The following DOT1L variants were observed in gnomAD, a reference collection of about 807,000 sequenced individuals.
DOT1L encodes DOT1 like histone lysine methyltransferase, also known as histone-lysine N-methyltransferase, H3 lysine-79 specific.
A neutral mutation model predicts 153.3 loss-of-function variants in DOT1L; 33 were observed. The ratio of observed to expected loss-of-function variants is 0.22; its 90% CI spans 0.16 to 0.29. The LOEUF is 0.29. Ranked by LOEUF, DOT1L falls within the 10% of genes least tolerant of loss-of-function variation. The pLI is 1.00. For synonymous variants in DOT1L, 1,135 were observed against 965.1 expected, an observed-to-expected ratio of 1.18 and a Z score of -3.26; for missense variants, 1,847 against 2,119.9, an observed-to-expected ratio of 0.87 and a Z score of 2.53.
intron 22 of DOT1L, among the ~76,000 whole-genome samples, chr19:2,218,651 C>G (rs952361806): frequency 4.6e-5 from 7 of 151,682 alleles, no homozygotes; most frequent in Non-Finnish European, 8.8e-5. Flanking sequence ...CCTGGGCCTC[C>G]CAAAGTGCTG....
intron 22 of DOT1L, among the ~76,000 whole-genome samples, chr19:2,219,377 C>T (rs1002017801): frequency 2.6e-5 from 4 of 152,212 alleles, no homozygotes; most frequent in African/African-American, 4.8e-5. Flanking sequence ...AAGCGTTGCC[C>T]GCCTCAGCAG....
chr19:2,188,429 G>A (rs1191591764), intron 3 of DOT1L: 1 of 151,196 alleles, frequency 6.6e-6, no homozygotes, highest in Non-Finnish European at 1.5e-5. Context: ...CTGCTTGCGT[G>A]CACGTGGAGG....
rs370977811 is a variant in DOT1L, at chr19:2,226,274, C to T, written c.3753C>T (p.Ile1251=). The stretch of plus-strand genomic sequence containing the variant: ...CCACCTTCTCGCCCATCTCCGACAT[C>T]GGCCTGGCCAAGTCGGCGGACAGCC... ...WKSTFSPISD[I]GLAKSADSPL... is the part of the protein sequence containing the mutation. The change falls in exon 27 of 28, where the codon ATC becomes ATT. Residue 1251 remains isoleucine (I), a synonymous_variant. Transcript: ENST00000398665. 1.7e-4 allele frequency: 272 copies of T among 1,593,476 alleles called. No homozygotes were observed. Among genetic ancestry groups the T allele is most frequent in the Middle Eastern group, 1.2e-3 (7 of 5,998 alleles).
rs1389240194 is a variant in DOT1L, at chr19:2,217,673, C to T, written c.2545-99C>T. The stretch of plus-strand genomic sequence containing the variant: ...AGGGCCTTGGCAGCGTGGGGGCCGC[C>T]TTGAGAGAGCTGTAGCAGGCCCCCG... On this transcript the variant is annotated intron_variant, in intron 21 of 27. Transcript: ENST00000398665. The surrounding 1 kb of genome is among the most constrained non-coding windows in gnomAD (Gnocchi z 7.3). The T allele has an allele frequency of 2.7e-6, 4 of 1,495,482 alleles. No individual in the cohort carries two copies. The highest frequency in any genetic ancestry group is 9.0e-7 in the Non-Finnish European group (1 of 1,115,774). The allele number at this position is 1,495,482 out of a possible 1,614,324, so 92.6% of individuals were successfully genotyped here. A position where few individuals can be genotyped will look rare whatever the true frequency, so the allele number is the denominator to read the frequency against.
chr19:2,171,682 T>G (rs1340420873), intron 1 of DOT1L, among the ~76,000 whole-genome samples: 3 of 152,228 alleles, frequency 2.0e-5, no homozygotes, highest in Non-Finnish European at 4.4e-5. Flanking sequence ...TTTTATTTCC[T>G]GAGTGCTTCC....
Position 2,194,595 on chromosome 19 carries a change from G to T in DOT1L, c.651+18G>T, listed in dbSNP as rs371037418. The T allele has an allele frequency of 8.3e-5, 133 of 1,607,520 alleles. No individual in the cohort carries two copies. The African/African-American group carries it at 1.4e-3, about 16-fold the overall frequency. ...AATACACAGTGAGTGCCATCGCTCC[G>T]CCCCGGCTCCCATCGCCGGCCCCAC... On this transcript the variant is annotated intron_variant, in intron 7 of 27. Coordinates refer to ENST00000398665, the MANE Select transcript of DOT1L (RefSeq NM_032482.3).
At chr19:2,210,294 AG>A in intron 12 of DOT1L, 105 bp from the exon 13 acceptor site, 1 of 996,360 alleles carries the variant, frequency 1.0e-6, no homozygotes, top group Non-Finnish European at 1.4e-6. Context: ...CAGTGGACAG[AG>A]TTGGGCCCGT....
Position 2,222,200 on chromosome 19 carries a change from C to T in DOT1L, c.3031C>T (p.Arg1011Trp), listed in dbSNP as rs375005675. The T allele has an allele frequency of 2.0e-5, 33 of 1,613,000 alleles. 1 individual carries two copies. Among genetic ancestry groups the T allele is most frequent in the African/African-American group, 6.7e-5 (5 of 74,946 alleles). Residue 1011 changes from arginine (R) to tryptophan (W), a missense_variant, in exon 24 of 28, where the codon CGG becomes TGG. Around this residue, in one of 8 missense-constraint regions of DOT1L, gnomAD observed 934 missense variants for 825.3 expected, o/e 1.13. Transcript: ENST00000398665. This position sits in a 1 kb window ranked among gnomAD's most constrained non-coding sequence, Gnocchi z 6.5. ...SPAHQLSSSP[R>W]LGGAAQGPLP... is the part of the protein sequence containing the mutation. The stretch of plus-strand genomic sequence containing the variant: ...CGCCCACCAGCTCTCCTCCAGTCCC[C>T]GGCTTGGTGGGGCCGCCCAGGGCCC...
At chr19:2,196,361 C>T (rs1471229029) in intron 7 of DOT1L, among the ~76,000 whole-genome samples, 1 of 152,212 alleles carries the variant, frequency 6.6e-6, no homozygotes, top group Non-Finnish European at 1.5e-5. Context: ...GAAAGAAAGT[C>T]TTGTTCTGTC....
At chr19:2,229,754 A>G (rs779516593) in intron 27 of DOT1L, 31 bp from the exon 28 acceptor site, 6 of 1,612,934 alleles carry the variant, frequency 3.7e-6, no homozygotes, top group Non-Finnish European at 5.1e-6. Flanking sequence ...TGGTAACCTC[A>G]GGCCGCTCTT....
intron 15 of DOT1L, 103 bp downstream of exon 15, chr19:2,211,315 A>C: frequency 9.7e-7 from 1 of 1,033,608 alleles, no homozygotes; most frequent in Non-Finnish European, 1.4e-6. Flanking sequence ...CGTGACCTCC[A>C]TGCTGGACCC....
At chr19:2,210,217 C>T (rs1003136607) in intron 12 of DOT1L, among the ~76,000 whole-genome samples, 183 bp from the exon 13 acceptor site, 11 of 152,256 alleles carry the variant, frequency 7.2e-5, no homozygotes, top group Admixed American at 6.5e-4. Flanking sequence ...TCCTGGCCTG[C>T]GGGGCCCCAA....
rs1437961323 is a variant in DOT1L at position 2,189,805 on chromosome 19, T to C, written c.264+10T>C. 1 of 1,611,710 alleles carries C rather than the reference T, an allele frequency of 6.2e-7. No individual in the cohort carries two copies. Among genetic ancestry groups the C allele is most frequent in the South Asian group, 1.1e-5 (1 of 91,086 alleles). Reference sequence around the variant, plus strand: ...CAGCATCCACCAGCTGGTAGGTGGCTTGCCCCTGCCCAGAGGGGGTTAGTA... The same window carrying C: ...CAGCATCCACCAGCTGGTAGGTGGCCTGCCCCTGCCCAGAGGGGGTTAGTA... On this transcript the variant is annotated intron_variant, in intron 4 of 27. Coordinates refer to ENST00000398665, the MANE Select transcript of DOT1L (RefSeq NM_032482.3).
chr19:2,229,704 G>A (rs1403573159), intron 27 of DOT1L, 81 bp from the exon 28 acceptor site: 6 of 1,608,992 alleles, frequency 3.7e-6, no homozygotes, highest in Non-Finnish European at 3.4e-6. Flanking sequence ...GGAGGCCTCG[G>A]TCCCCAGCCT....
At chr19:2,225,052 G>T (rs1012361771) in intron 25 of DOT1L, among the ~76,000 whole-genome samples, 5 of 152,354 alleles carry the variant, frequency 3.3e-5, no homozygotes, top group African/African-American at 9.6e-5. Flanking sequence ...GGAGAGGGAG[G>T]TAGGAAGAGA....
chr19:2,199,951 G>T lies in DOT1L; in HGVS notation c.707+12G>T. On this transcript the variant is annotated intron_variant, in intron 8 of 27. Transcript: ENST00000398665. ...ATCGCCAACACGAGGTATGGCCAGC[G>T]TGGGGCATGCAGGGCATGTGGGGTG... The T allele has an allele frequency of 6.2e-7, 1 of 1,613,696 alleles. No homozygotes were observed. Among genetic ancestry groups the T allele is most frequent in the Non-Finnish European group, 8.5e-7 (1 of 1,179,726 alleles).
chr19:2,173,075 C>T lies in DOT1L; in HGVS notation c.82-7638C>T, dbSNP rs115971175. Reference sequence around the variant, plus strand: ...TCGTCACCATTGTCTAATTCCAGAACGTTCTAATCACCCCAAAAGGAAACG... The same window carrying T: ...TCGTCACCATTGTCTAATTCCAGAATGTTCTAATCACCCCAAAAGGAAACG... On this transcript the variant is annotated intron_variant, in intron 1 of 27. Coordinates refer to ENST00000398665, the MANE Select transcript of DOT1L (RefSeq NM_032482.3). Among the ~76,000 whole-genome samples, 635 of 152,176 alleles carry T rather than the reference C, an allele frequency of 4.2e-3. 3 individuals are homozygous for T. The highest frequency in any genetic ancestry group is 0.014 in the African/African-American group (586 of 41,518).
At chr19:2,180,907 G>T in intron 2 of DOT1L, 151 bp downstream of exon 2, 5 of 896,682 alleles carry the variant, frequency 5.6e-6, no homozygotes, top group Non-Finnish European at 8.4e-6. Context: ...TCAGGGACGG[G>T]TAGAGCTGCT....
intron 1 of DOT1L, 51 bp from the exon 2 acceptor site, chr19:2,180,662 C>T (rs771794524): frequency 1.2e-6 from 2 of 1,608,580 alleles, no homozygotes; most frequent in South Asian, 1.1e-5. Context: ...GAGCGATGGG[C>T]TCACGGGGTG....
Sources: gnomAD v4.1 joint callset for allele counts (sites outside exome capture counted in the v4.1 genomes callset) on GRCh38, gnomAD v4.1.1 for gene constraint, gnomAD v4.1.1 regional missense constraint, Gnocchi (gnomAD v3.1) non-coding constraint, MANE v1.5 for transcripts, NCBI Gene and HGNC (gene_info 2026-07-23, HGNC 2026-07-21) for gene names.